Variants in CSMD1 observed in about 807,000 individuals in gnomAD.
CSMD1 encodes CUB and Sushi multiple domains 1, also known as CUB and sushi domain-containing protein 1.
A neutral mutation model predicts 417.5 loss-of-function variants in CSMD1; 213 were observed. The observed-to-expected ratio is 0.51, with a 90% CI of 0.46 to 0.57. The LOEUF (loss-of-function observed/expected upper bound fraction) is 0.57. Among genes scored for constraint, CSMD1 ranks in the 20% least tolerant of loss-of-function variants. The pLI, the probability that CSMD1 is intolerant of heterozygous loss-of-function variation, is 0.00. For synonymous variants in CSMD1, 2,862 were observed against 1,736.8 expected (o/e 1.65, Z -16.11); for missense variants, 6,923 against 4,529.7 (o/e 1.53, Z -15.17).
intron 1 of CSMD1, among the ~76,000 whole-genome samples, chr8:4,976,955 G>T (rs935827450): frequency 2.0e-5 from 3 of 152,174 alleles, no homozygotes; most frequent in Admixed American, 6.5e-5. Context: ...AATGAGGGCA[G>T]ATGCTGTTGT....
In CSMD1 at chr8:3,722,618, C is replaced by T. The variant is rs17067146; in HGVS notation, c.932-14127G>A. On this transcript the variant is annotated intron_variant, in intron 6 of 69. Transcript: ENST00000635120. ...AAAAGGACCCTGGTGGGAAAAGTCC[C>T]CATTAGTAAAACTGTTTGGTCCAGG... 2.0e-3 allele frequency among the ~76,000 whole-genome samples: 298 copies of T among 152,222 alleles called. 3 individuals are homozygous for T. In the East Asian group the frequency reaches 0.036, roughly 18 times the overall value.
intron 6 of CSMD1, among the ~76,000 whole-genome samples, chr8:3,734,744 C>T (rs554156687): frequency 2.0e-5 from 3 of 152,154 alleles, no homozygotes; most frequent in Non-Finnish European, 2.9e-5. Context: ...CAGAAACTCT[C>T]CTAATGTGGC....
At chr8:3,401,605 C>T (rs1161655835) in intron 15 of CSMD1, among the ~76,000 whole-genome samples, 1 of 152,188 alleles carries the variant, frequency 6.6e-6, no homozygotes, top group Non-Finnish European at 1.5e-5. Flanking sequence ...AACAGCCCTG[C>T]AACTGTAGTA....
chr8:3,905,074 G>C (rs943295675), intron 5 of CSMD1, among the ~76,000 whole-genome samples: 1 of 152,140 alleles, frequency 6.6e-6, no homozygotes, highest in African/African-American at 2.4e-5. Context: ...TAGGACCTAT[G>C]TGTATCCAAA....
At chr8:3,726,154 C>G (rs921774097) in intron 6 of CSMD1, among the ~76,000 whole-genome samples, 1 of 151,952 alleles carries the variant, frequency 6.6e-6, no homozygotes, top group Non-Finnish European at 1.5e-5. Context: ...GGCACCGAGG[C>G]GTCCTGCCAA....
chr8:3,920,763 G>A (rs188880025), intron 5 of CSMD1, among the ~76,000 whole-genome samples: 1 of 152,014 alleles, frequency 6.6e-6, no homozygotes, highest in African/African-American at 2.4e-5. Context: ...TGTTAGTGGG[G>A]TATATCCAAT....
At chr8:4,358,697 C>G (rs1469002274) in intron 3 of CSMD1, among the ~76,000 whole-genome samples, 3 of 152,122 alleles carry the variant, frequency 2.0e-5, no homozygotes, top group African/African-American at 7.2e-5. Flanking sequence ...AGAGTAGAAA[C>G]CAGGTATTTG....
In CSMD1 at chr8:4,723,749, T is replaced by C. The variant is rs566428228; in HGVS notation, c.86-86191A>G. Among the ~76,000 whole-genome samples the C allele has an allele frequency of 9.3e-5, 12 of 128,510 alleles. No individual in the cohort carries two copies. In the East Asian group the frequency reaches 2.5e-3, roughly 27 times the overall value. 84.3% of individuals were successfully genotyped at this position (128,510 alleles called of 152,430 possible). ...ATGAAAGGAATTTTCATATGTGCTG[T>C]AAGAATCTAAAATGTAAATGCAATA... On this transcript the variant is annotated intron_variant, in intron 1 of 69. Coordinates refer to ENST00000635120, the MANE Select transcript of CSMD1 (RefSeq NM_033225.6).
chr8:4,060,777 C>A (rs1005842343), intron 3 of CSMD1, among the ~76,000 whole-genome samples: 1 of 152,066 alleles, frequency 6.6e-6, no homozygotes, highest in Non-Finnish European at 1.5e-5. Context: ...TGGGACCACA[C>A]AGGACCCTGA....
In CSMD1 at chr8:4,994,786, G is replaced by C. The variant is rs1212749620; in HGVS notation, c.-370C>G. 1.4e-5 allele frequency: 3 copies of C among 210,986 alleles called. No homozygotes were observed. The highest frequency in any genetic ancestry group is 2.8e-5 in the Non-Finnish European group (3 of 107,492). 13.1% of individuals were successfully genotyped at this position (210,986 alleles called of 1,614,324 possible). A position where few individuals can be genotyped will look rare whatever the true frequency, so the allele number is the denominator to read the frequency against. Reference sequence around the variant, plus strand: ...GAGAGACCTGGAGAGGAGGCAGCTGGAGAGAGAGCCAGCGAGTGGGAGATG... The same window carrying C: ...GAGAGACCTGGAGAGGAGGCAGCTGCAGAGAGAGCCAGCGAGTGGGAGATG... On this transcript the variant is annotated 5_prime_UTR_variant, in exon 1 of 70. Transcript: ENST00000635120.
In CSMD1 at chr8:3,162,166, G is replaced by C. The variant is rs1819937410; in HGVS notation, c.5837C>G (p.Thr1946Ser). The change falls in exon 38 of 70, where the codon ACC becomes AGC. Residue 1946 changes from threonine (T) to serine (S), a missense_variant. By Grantham distance (58) the Thr-to-Ser change is moderately conservative. Transcript: ENST00000635120. ...CACTGAGAAGAAGGATACCTGCAGG[G>C]TGTACCCGGGCTCGCACTGGAAGGA... ...VLSFQCEPGY[T>S]LQGRSHISCM... 1 of 1,598,110 alleles carries C rather than the reference G, an allele frequency of 6.3e-7. No individual in the cohort carries two copies. The highest frequency in any genetic ancestry group is 1.7e-5 in the Admixed American group (1 of 58,768).
chr8:3,900,172 G>C (rs1320070193), intron 5 of CSMD1, among the ~76,000 whole-genome samples: 1 of 152,130 alleles, frequency 6.6e-6, no homozygotes, highest in African/African-American at 2.4e-5. Flanking sequence ...ACAGCTGGGT[G>C]ACAGTGTAGC....
At position 2,985,963 on chromosome 8, in the gene CSMD1, G is replaced by A. The variant is rs540982880; in HGVS notation, c.8378-7163C>T. 1.2e-3 allele frequency among the ~76,000 whole-genome samples: 173 copies of A among 145,604 alleles called. 1 individual carries two copies. The highest frequency in any genetic ancestry group is 4.4e-3 in the African/African-American group (168 of 38,054). On this transcript the variant is annotated intron_variant, in intron 54 of 69. Coordinates refer to ENST00000635120, the MANE Select transcript of CSMD1 (RefSeq NM_033225.6). The stretch of plus-strand genomic sequence containing the variant: ...AGGGAAGGGGAAGGGGAAGGGGAAG[G>A]GGAAGGGGAAGGGAAAGGGGAAGGG...
chr8:3,637,748 T>C (rs1439355081), intron 7 of CSMD1, among the ~76,000 whole-genome samples: 1 of 152,142 alleles, frequency 6.6e-6, no homozygotes, highest in South Asian at 2.1e-4. Context: ...CCCACCCAAA[T>C]CTCATCTTGA....
chr8:4,421,386 C>T (rs970645220), intron 2 of CSMD1, among the ~76,000 whole-genome samples: 5 of 152,122 alleles, frequency 3.3e-5, no homozygotes, highest in Non-Finnish European at 7.4e-5. Context: ...GTACACATTT[C>T]TTTCAGGTGC....
At chr8:2,955,093 T>C (rs900775611) in intron 64 of CSMD1, among the ~76,000 whole-genome samples, 4 of 152,202 alleles carry the variant, frequency 2.6e-5, no homozygotes, top group Non-Finnish European at 4.4e-5. Context: ...GTGAATTGCT[T>C]TTGTAATTTT....
intron 1 of CSMD1, among the ~76,000 whole-genome samples, chr8:4,827,874 C>A (rs919958980): frequency 6.6e-6 from 1 of 152,284 alleles, no homozygotes; most frequent in Admixed American, 6.5e-5. Context: ...CCATTTTAAT[C>A]TTTCTCGTCC....
chr8:3,384,018 C>T (rs897016340), intron 18 of CSMD1, among the ~76,000 whole-genome samples: 1 of 152,030 alleles, frequency 6.6e-6, no homozygotes, highest in Admixed American at 6.6e-5. Context: ...ACCACTAGTG[C>T]CAGACAATTA....
At chr8:3,215,593 A>C (rs1797834399) in intron 29 of CSMD1, among the ~76,000 whole-genome samples, 1 of 152,372 alleles carries the variant, frequency 6.6e-6, no homozygotes, top group East Asian at 1.9e-4. Context: ...GGCTGCATTA[A>C]GTATTTCTTC....
Sources: gnomAD v4.1 joint callset for allele counts (sites outside exome capture counted in the v4.1 genomes callset) on GRCh38, gnomAD v4.1.1 for gene constraint, MANE v1.5 for transcripts, NCBI Gene and HGNC (gene_info 2026-07-23, HGNC 2026-07-21) for gene names.